Variants in ZNF560 observed in about 807,000 individuals in gnomAD.
The protein encoded by ZNF560 is zinc finger protein 560.
A neutral mutation model predicts 81.8 loss-of-function variants in ZNF560; 54 were observed. The ratio of observed to expected loss-of-function variants is 0.66; its 90% CI spans 0.53 to 0.83. The LOEUF (loss-of-function observed/expected upper bound fraction) is 0.83, where lower values mean the gene tolerates loss of function less well. Among genes scored for constraint, ZNF560 ranks in the 40% least tolerant of loss-of-function variants. The pLI, the probability that ZNF560 is intolerant of heterozygous loss-of-function variation, is 0.00. For synonymous variants in ZNF560, 321 were observed against 317.9 expected (o/e 1.01, Z -0.10); for missense variants, 940 against 932.4 (o/e 1.01, Z -0.11).
In ZNF560 at chr19:9,471,397, CT is replaced by C; in HGVS notation, c.239-20del. The C allele has an allele frequency of 6.8e-7, 1 of 1,466,070 alleles. No homozygotes were observed. Among genetic ancestry groups the C allele is most frequent in the Non-Finnish European group, 9.0e-7 (1 of 1,106,574 alleles). 90.8% of individuals were successfully genotyped at this position (1,466,070 alleles called of 1,614,324 possible). A position where few individuals can be genotyped will look rare whatever the true frequency, so the allele number is the denominator to read the frequency against. On this transcript the variant is annotated intron_variant, in intron 5 of 9. Coordinates refer to ENST00000301480, the MANE Select transcript of ZNF560 (RefSeq NM_152476.3). ...GCCCAGTCTGAAACAAAAACATAAA[CT>C]GAGGTTTTTTTTTTTTTTAAAAAAA... is the stretch of plus-strand genomic sequence containing the variant.
intron 5 of ZNF560, among the ~76,000 whole-genome samples, chr19:9,472,041 C>T (rs140999123): frequency 0.11 from 15,901 of 150,866 alleles, 1,012 homozygotes; most frequent in South Asian, 0.2. Flanking sequence ...ACCTGGGAGG[C>T]ATAGGTTGCG....
At chr19:9,481,280 A>G (rs1333676288) in intron 2 of ZNF560, among the ~76,000 whole-genome samples, 1 of 152,214 alleles carries the variant, frequency 6.6e-6, no homozygotes, top group East Asian at 1.9e-4. Flanking sequence ...TTCAAGATGG[A>G]TTAAAGACTT....
intron 2 of ZNF560, among the ~76,000 whole-genome samples, chr19:9,485,179 A>G (rs986565670): frequency 1.3e-5 from 2 of 152,182 alleles, no homozygotes; most frequent in Admixed American, 6.5e-5. Context: ...TATCTAAACC[A>G]ATCCTTCTGA....
rs772264303 is a variant in ZNF560, at chr19:9,467,818, T to C, written c.1129A>G (p.Lys377Glu). The change falls in exon 10 of 10, where the codon AAA (lysine) becomes GAA (glutamate). Residue 377 changes from lysine (K) to glutamate (E), a missense_variant. By Grantham distance (56) the Lys-to-Glu change is moderately conservative. Coordinates refer to ENST00000301480, the MANE Select transcript of ZNF560 (RefSeq NM_152476.3). ...MQTHIGIKPY[K>E]CKHCGKTFTV... ...AAGGTTTTGCCACAGTGCTTACATT[T>C]ATAAGGTTTTATCCCAATGTGGGTT... is the stretch of plus-strand genomic sequence containing the variant. 4 of 1,614,070 alleles carry C rather than the reference T, an allele frequency of 2.5e-6. No homozygotes were observed. In the Admixed American group the frequency reaches 5.0e-5, roughly 20 times the overall value.
At chr19:9,480,665 C>A (rs2073273449) in intron 2 of ZNF560, among the ~76,000 whole-genome samples, 1 of 151,026 alleles carries the variant, frequency 6.6e-6, no homozygotes, top group South Asian at 2.1e-4. Context: ...AAAAGCCGGG[C>A]ACAGTGGTTC....
At position 9,471,280 on chromosome 19, in the gene ZNF560, C is replaced by T; in HGVS notation, c.321+16G>A. Reference sequence around the variant, plus strand: ...TCTGAGTGTGAAAAATAAGAAATACCCTTTCTTAACATTACCATTTGTATC... The same window carrying T: ...TCTGAGTGTGAAAAATAAGAAATACTCTTTCTTAACATTACCATTTGTATC... On this transcript the variant is annotated intron_variant, in intron 6 of 9. Transcript: ENST00000301480. The T allele has an allele frequency of 1.9e-6, 3 of 1,539,920 alleles. No individual in the cohort carries two copies. Among genetic ancestry groups the T allele is most frequent in the Non-Finnish European group, 2.6e-6 (3 of 1,139,376 alleles).
At chr19:9,474,750 C>G (rs1275461074) in intron 3 of ZNF560, among the ~76,000 whole-genome samples, 1 of 151,192 alleles carries the variant, frequency 6.6e-6, no homozygotes, top group Admixed American at 6.6e-5. Context: ...CCTTGACTTA[C>G]TGGGCTCAAG....
At chr19:9,469,415 C>A (rs1267873909) in intron 8 of ZNF560, among the ~76,000 whole-genome samples, 2 of 152,074 alleles carry the variant, frequency 1.3e-5, no homozygotes, top group Non-Finnish European at 2.9e-5. Flanking sequence ...CAAAAGCATA[C>A]AATAAATCCA....
chr19:9,496,027 A>C (rs2073552470), intron 2 of ZNF560, among the ~76,000 whole-genome samples: 1 of 152,240 alleles, frequency 6.6e-6, no homozygotes, highest in Non-Finnish European at 1.5e-5. Context: ...ATCCAGCAAA[A>C]TTAAATGTAT....
At chr19:9,476,350 T>C (rs1041060914) in intron 2 of ZNF560, among the ~76,000 whole-genome samples, 3 of 152,150 alleles carry the variant, frequency 2.0e-5, no homozygotes, top group African/African-American at 7.2e-5. Flanking sequence ...TGGAGTGCAA[T>C]GGCGAGATCT....
chr19:9,448,228 C>T, the ZNF560 span, among the ~76,000 whole-genome samples: 11 of 151,786 alleles, frequency 7.2e-5, no homozygotes, highest in East Asian at 1.9e-4. Flanking sequence ...GTGCGTGTGG[C>T]GGGGGGTTTG....
chr19:9,471,261 T>C, intron 6 of ZNF560, 35 bp downstream of exon 6: 3 of 1,455,336 alleles, frequency 2.1e-6, no homozygotes, highest in Admixed American at 2.1e-5. Context: ...ATTCTCTGAG[T>C]GTGAAAAATA....
intron 2 of ZNF560, among the ~76,000 whole-genome samples, chr19:9,485,057 T>C (rs1316079693): frequency 1.3e-5 from 2 of 152,018 alleles, no homozygotes; most frequent in Non-Finnish European, 2.9e-5. Flanking sequence ...GGAGAAAATC[T>C]GAACAGACCA....
chr19:9,477,495 A>G (rs1568457835), intron 2 of ZNF560, among the ~76,000 whole-genome samples: 2 of 152,202 alleles, frequency 1.3e-5, no homozygotes. Flanking sequence ...CAAGAATGTC[A>G]TCCTTTACAA....
At chr19:9,497,534 CAAAAAAAAAAAA>C (rs58468618) in intron 2 of ZNF560, among the ~76,000 whole-genome samples, 1 of 67,548 alleles carries the variant, frequency 1.5e-5, no homozygotes, top group Non-Finnish European at 3.3e-5. Context: ...GACCCCCTCT[CAAAAAAAAAAAA>C]AAAAAAAAAA....
chr19:9,468,792 C>T (rs765314152), intron 9 of ZNF560, among the ~76,000 whole-genome samples: 12 of 149,106 alleles, frequency 8.0e-5, no homozygotes, highest in East Asian at 2.0e-4. Flanking sequence ...TGCAGTGGCA[C>T]GATCTCAGCT....
chr19:9,506,045 T>C, the ZNF560 span, among the ~76,000 whole-genome samples: 1 of 152,068 alleles, frequency 6.6e-6, no homozygotes, highest in Admixed American at 6.6e-5. Context: ...CAGGCTGGAG[T>C]GCAGTGGTGT....
At chr19:9,469,520 A>C in intron 8 of ZNF560, 110 bp downstream of exon 8, 1 of 946,008 alleles carries the variant, frequency 1.1e-6, no homozygotes. Context: ...AAAACATCCA[A>C]GTCCAGTGGA....
At chr19:9,448,728 A>AC in the ZNF560 span, among the ~76,000 whole-genome samples, 3 of 152,084 alleles carry the variant, frequency 2.0e-5, no homozygotes, top group Non-Finnish European at 4.4e-5. Flanking sequence ...TGGTCTTACC[A>AC]CCCCATTTAA....
Sources: gnomAD v4.1 joint callset for allele counts (sites outside exome capture counted in the v4.1 genomes callset) on GRCh38, gnomAD v4.1.1 for gene constraint, MANE v1.5 for transcripts, NCBI Gene and HGNC (gene_info 2026-07-23, HGNC 2026-07-21) for gene names.